The following DOCK7 variants were observed in gnomAD, a reference collection of about 807,000 sequenced individuals.
The protein encoded by DOCK7 is dedicator of cytokinesis 7.
A neutral mutation model predicts 271.0 loss-of-function variants in DOCK7; 138 were observed. That is an observed-to-expected ratio of 0.51 (90% CI 0.44 to 0.59). DOCK7 has a LOEUF of 0.59. DOCK7 is among the 20% of genes least tolerant of loss of function. The pLI, the probability that DOCK7 is intolerant of heterozygous loss-of-function variation, is 0.00. For missense variants in DOCK7, 2,066 were observed against 2,592.4 expected, an observed-to-expected ratio of 0.80 and a Z score of 4.41; for synonymous variants, 823 against 876.1, an observed-to-expected ratio of 0.94 and a Z score of 1.07.
intron 29 of DOCK7, among the ~76,000 whole-genome samples, chr1:62,531,299 T>A (rs1009251689): frequency 6.6e-6 from 1 of 152,232 alleles, no homozygotes; most frequent in Non-Finnish European, 1.5e-5. Context: ...CTTGTCTTCA[T>A]AAAGCCTTTT....
chr1:62,584,799 G>A, intron 15 of DOCK7: 1 of 745,346 alleles, frequency 1.3e-6, no homozygotes, highest in South Asian at 1.5e-5. Flanking sequence ...AAAGTCCCAT[G>A]AAAGAAGTGA....
At chr1:62,598,762 CAATT>C in intron 14 of DOCK7, 1 of 1,610,274 alleles carries the variant, frequency 6.2e-7, no homozygotes, top group Non-Finnish European at 8.5e-7. Context: ...CCAATATAAA[CAATT>C]AAACCAACAG....
intron 25 of DOCK7, 37 bp from the exon 26 acceptor site, chr1:62,539,929 T>C: frequency 7.0e-7 from 1 of 1,425,892 alleles, no homozygotes; most frequent in East Asian, 2.5e-5. Flanking sequence ...TTCCTATGAA[T>C]ATATTTAACA....
At chr1:62,662,604 T>C (rs1407707634) in intron 2 of DOCK7, among the ~76,000 whole-genome samples, 1 of 151,704 alleles carries the variant, frequency 6.6e-6, no homozygotes, top group African/African-American at 2.4e-5. Context: ...CTACTAAAAA[T>C]ACAAAAATTA....
At chr1:62,464,298 T>G (rs957343005) in intron 48 of DOCK7, among the ~76,000 whole-genome samples, 11 of 148,616 alleles carry the variant, frequency 7.4e-5, no homozygotes, top group Non-Finnish European at 1.6e-4. Flanking sequence ...TGACCTCAGG[T>G]GATCCACCCA....
At chr1:62,537,185 C>T (rs1645371928) in intron 28 of DOCK7, among the ~76,000 whole-genome samples, 1 of 152,186 alleles carries the variant, frequency 6.6e-6, no homozygotes, top group Admixed American at 6.5e-5. Context: ...GTGTCTGCTT[C>T]AAGAGAACTC....
chr1:62,555,347 A>C (rs1345713236), intron 21 of DOCK7: 2 of 152,372 alleles, frequency 1.3e-5, no homozygotes, highest in African/African-American at 4.8e-5. Context: ...CAAATACAAG[A>C]TTCTATTTTT....
At chr1:62,681,549 ATAAAATAAAAATAC>A (rs1661163038) in intron 1 of DOCK7, among the ~76,000 whole-genome samples, 1 of 144,468 alleles carries the variant, frequency 6.9e-6, no homozygotes, top group Non-Finnish European at 1.5e-5. Flanking sequence ...AATAAAAAAA[ATAAAATAAAAATAC>A]AAAAAAAAAA....
intron 38 of DOCK7, 89 bp from the exon 39 acceptor site, chr1:62,495,770 T>C: frequency 9.6e-7 from 1 of 1,045,912 alleles, no homozygotes; most frequent in South Asian, 1.6e-5. Context: ...CAGATAAATA[T>C]CTAAAGATTT....
chr1:62,507,646 A>G (rs1231000638), intron 35 of DOCK7, among the ~76,000 whole-genome samples: 1 of 152,226 alleles, frequency 6.6e-6, no homozygotes, highest in Non-Finnish European at 1.5e-5. Flanking sequence ...ATGTAGCTAT[A>G]GCTATACATG....
intron 49 of DOCK7, among the ~76,000 whole-genome samples, chr1:62,455,799 A>C (rs189676365): frequency 2.0e-5 from 3 of 152,288 alleles, no homozygotes; most frequent in Non-Finnish European, 4.4e-5. Context: ...GGTGTTTATT[A>C]AATTTTAAGT....
At chr1:62,636,482 G>T in intron 8 of DOCK7, 55 bp downstream of exon 8, 1 of 1,361,532 alleles carries the variant, frequency 7.3e-7, no homozygotes, top group Admixed American at 2.1e-5. Flanking sequence ...AAACAAACAG[G>T]TTTCTGAAAC....
At chr1:62,620,577 T>C (rs1485748322) in intron 12 of DOCK7, among the ~76,000 whole-genome samples, 2 of 151,660 alleles carry the variant, frequency 1.3e-5, no homozygotes, top group East Asian at 2.0e-4. Flanking sequence ...CTCTCAAATA[T>C]AGAAAACCAA....
At chr1:62,556,239 C>CA (rs1204676858) in intron 20 of DOCK7, among the ~76,000 whole-genome samples, 1 of 151,108 alleles carries the variant, frequency 6.6e-6, no homozygotes, top group Admixed American at 6.6e-5. Flanking sequence ...TTTGATTAGT[C>CA]AAAAAAGAAA....
chr1:62,527,147 C>CT (rs1645034702), intron 31 of DOCK7, among the ~76,000 whole-genome samples: 1 of 152,030 alleles, frequency 6.6e-6, no homozygotes, highest in South Asian at 2.1e-4. Context: ...TCATTTAAAA[C>CT]TTTTAGAACT....
chr1:62,674,551 A>G (rs971646652), intron 1 of DOCK7, among the ~76,000 whole-genome samples: 1 of 152,242 alleles, frequency 6.6e-6, no homozygotes, highest in East Asian at 1.9e-4. Flanking sequence ...ACAAATTTCA[A>G]ATTTTACTTT....
chr1:62,460,464 A>G (rs1481638998), intron 48 of DOCK7, among the ~76,000 whole-genome samples: 2 of 152,230 alleles, frequency 1.3e-5, no homozygotes, highest in African/African-American at 4.8e-5. Flanking sequence ...AATGATTTAA[A>G]GTATACAGGA....
At chr1:62,585,423 T>C (rs554430590) in intron 15 of DOCK7, among the ~76,000 whole-genome samples, 2 of 152,316 alleles carry the variant, frequency 1.3e-5, no homozygotes, top group African/African-American at 4.8e-5. Flanking sequence ...TGAGAATCTA[T>C]AGCAATAGCA....
In DOCK7 at chr1:62,513,555, CT is replaced by C; in HGVS notation, c.4170del (p.Asp1391ThrfsTer2). 2 of 1,614,044 alleles carry C rather than the reference CT, an allele frequency of 1.2e-6. No homozygotes were observed. The highest frequency in any genetic ancestry group is 1.7e-6 in the Non-Finnish European group (2 of 1,179,968). The part of the protein sequence containing the change: ...RMNSLTFKKS[K>X]DMRAKLEEAI... ...GCTTCTTCAAGCTTTGCTCTCATGT[CT>C]TTTGATTTCTTAAAGGTCAAGCTAT... On this transcript the variant is annotated frameshift_variant, in exon 33 of 50. Coordinates refer to ENST00000635253, the MANE Select transcript of DOCK7 (RefSeq NM_001367561.1). LOFTEE classifies it high-confidence loss of function.
Sources: gnomAD v4.1 joint callset for allele counts (sites outside exome capture counted in the v4.1 genomes callset) on GRCh38, gnomAD v4.1.1 for gene constraint, MANE v1.5 for transcripts, NCBI Gene and HGNC (gene_info 2026-07-23, HGNC 2026-07-21) for gene names.